The following MIIP variants were observed in gnomAD, a reference collection of about 807,000 sequenced individuals.
The protein encoded by MIIP is migration and invasion inhibitory protein.
Under a neutral mutation model 44.8 loss-of-function variants are expected in MIIP, and 44 were observed. The ratio of observed to expected loss-of-function variants is 0.98; its 90% CI spans 0.77 to 1.26. The LOEUF (loss-of-function observed/expected upper bound fraction) is 1.26. Ranked by LOEUF, MIIP falls within the 50% of genes most tolerant of loss-of-function variation. The pLI, the probability that MIIP is intolerant of heterozygous loss-of-function variation, is 0.00. For synonymous variants in MIIP, 225 were observed against 218.3 expected, an observed-to-expected ratio of 1.03 and a Z score of -0.27; for missense variants, 496 against 511.7, an observed-to-expected ratio of 0.97 and a Z score of 0.30.
chr1:12,031,891 C>T lies in MIIP; in HGVS notation c.*83C>T. On this transcript the variant is annotated 3_prime_UTR_variant, in exon 10 of 10. Transcript: ENST00000235332. ...AGGCGCACCCAGGAGATGGAATCCC[C>T]TGCCCGCCCAGCTCAGGCCCAGCTG... 7.2e-7 allele frequency: 1 copy of T among 1,386,354 alleles called. No homozygotes were observed. The highest frequency in any genetic ancestry group is 1.0e-6 in the Non-Finnish European group (1 of 993,376). 85.9% of individuals were successfully genotyped at this position (1,386,354 alleles called of 1,614,324 possible). A position where few individuals can be genotyped will look rare whatever the true frequency, so the allele number is the denominator to read the frequency against.
intron 3 of MIIP, 39 bp downstream of exon 3, chr1:12,022,481 C>A (rs77391339): frequency 0.027 from 39,093 of 1,433,860 alleles, 630 homozygotes; most frequent in Middle Eastern, 0.066. Context: ...ATGGGAGGAG[C>A]TTCCTTGGGC....
chr1:12,020,046 G>A (rs1237036431), intron 1 of MIIP, among the ~76,000 whole-genome samples: 1 of 152,256 alleles, frequency 6.6e-6, no homozygotes, highest in Non-Finnish European at 1.5e-5. Context: ...ACCCGATCCT[G>A]AGGATCCTTG....
chr1:12,028,896 C>G lies in MIIP; in HGVS notation c.548-137C>G, dbSNP rs982665301. On this transcript the variant is annotated intron_variant, in intron 4 of 9. Coordinates refer to ENST00000235332, the MANE Select transcript of MIIP (RefSeq NM_021933.4). Reference sequence around the variant, plus strand: ...CCAGTGACTGGAGGGGCCCTCCTGGCCTGTTTGAGGCACAGTAGGGATGAA... The same window carrying G: ...CCAGTGACTGGAGGGGCCCTCCTGGGCTGTTTGAGGCACAGTAGGGATGAA... 7.4e-6 allele frequency: 5 copies of G among 673,450 alleles called. No individual in the cohort carries two copies. In the African/African-American group the frequency reaches 9.0e-5, roughly 12 times the overall value. 41.7% of individuals were successfully genotyped at this position (673,450 alleles called of 1,614,324 possible). A position where few individuals can be genotyped will look rare whatever the true frequency, so the allele number is the denominator to read the frequency against.
intron 8 of MIIP, 145 bp downstream of exon 8, chr1:12,030,269 C>T (rs1640208374): frequency 1.4e-6 from 1 of 737,954 alleles, no homozygotes; most frequent in Non-Finnish European, 2.3e-6. Flanking sequence ...CCTCTTCCAT[C>T]ACCCACACCT....
At position 12,031,759 on chromosome 1, in the gene MIIP, G is replaced by A. The variant is rs1454802286; in HGVS notation, c.1118G>A (p.Trp373Ter). The A allele has an allele frequency of 6.2e-7, 1 of 1,613,972 alleles. No individual in the cohort carries two copies. Among genetic ancestry groups the A allele is most frequent in the South Asian group, 1.1e-5 (1 of 91,070 alleles). ...PMQMLPPTPT[W>*]SVPQVPRPHV... ...CAGATGCTGCCCCCGACCCCGACCT[G>A]GTCAGTGCCCCAGGTCCCTCGGCCC... The change falls in exon 10 of 10, where the codon TGG (tryptophan) becomes TAG (stop). Residue 373 changes from tryptophan to a stop codon, truncating the protein, a stop_gained. Coordinates refer to ENST00000235332, the MANE Select transcript of MIIP (RefSeq NM_021933.4). LOFTEE classifies it low-confidence loss of function (END_TRUNC).
Position 12,029,116 on chromosome 1 carries a change from G to A in MIIP, c.631G>A (p.Glu211Lys), listed in dbSNP as rs769425473. 8.4e-5 allele frequency: 135 copies of A among 1,613,986 alleles called. No individual in the cohort carries two copies. The highest frequency in any genetic ancestry group is 1.1e-4 in the Non-Finnish European group (128 of 1,179,966). Residue 211 changes from glutamate to lysine, a missense_variant, in exon 5 of 10, where the codon GAG (glutamate) becomes AAG (lysine). Transcript: ENST00000235332. ...GCAGGAGTTTCGGGAAACCAACAAG[G>A]AGGAGTGTATCTGCAGCCATCCTGA... ...KLQEFRETNK[E>K]ECICSHPEPQ...
At chr1:12,023,126 T>C (rs6670626) in intron 4 of MIIP, among the ~76,000 whole-genome samples, 111,270 of 147,406 alleles carry the variant, frequency 0.75, 42,910 homozygotes, top group African/African-American at 0.89. Flanking sequence ...TGCAGTAGTG[T>C]GATGTTGGCT....
chr1:12,029,672 C>G, intron 6 of MIIP, 93 bp from the exon 7 acceptor site: 2 of 1,514,372 alleles, frequency 1.3e-6, no homozygotes, highest in Non-Finnish European at 1.8e-6. Context: ...GGATTGGCAG[C>G]TTGTGTGGTT....
chr1:12,028,950 C>T (rs544319487), intron 4 of MIIP, 83 bp from the exon 5 acceptor site: 30 of 1,168,700 alleles, frequency 2.6e-5, no homozygotes, highest in Admixed American at 2.4e-4. Flanking sequence ...CAGGGCTGAT[C>T]GTCTCTCCAA....
chr1:12,025,094 G>A (rs544995448), intron 4 of MIIP, among the ~76,000 whole-genome samples: 1 of 139,652 alleles, frequency 7.2e-6, no homozygotes, highest in Non-Finnish European at 1.5e-5. Flanking sequence ...GAGTCGCACT[G>A]TGTCTCCCAG....
At position 12,031,407 on chromosome 1, in the gene MIIP, C is replaced by A. The variant is rs187039114; in HGVS notation, c.1080+4C>A. 15 of 1,611,000 alleles carry A rather than the reference C, an allele frequency of 9.3e-6. No homozygotes were observed. The highest frequency in any genetic ancestry group is 1.2e-5 in the Non-Finnish European group (14 of 1,178,194). On this transcript the variant is annotated splice_donor_region_variant and intron_variant, in intron 9 of 9. Transcript: ENST00000235332. ...CACCAGCAGCCCTTTTCACCCGGTACGGTCCAGATCGCATCCTAGCCTGGG... is the reference window on the plus strand; with the variant it reads ...CACCAGCAGCCCTTTTCACCCGGTAAGGTCCAGATCGCATCCTAGCCTGGG...
rs751063780 is a variant in MIIP at position 12,022,253 on chromosome 1, G to A, written c.273G>A (p.Gly91=). The A allele has an allele frequency of 6.8e-6, 11 of 1,613,588 alleles. No individual in the cohort carries two copies. In the South Asian group the frequency reaches 1.2e-4, roughly 18 times the overall value. The change falls in exon 3 of 10, where the codon GGG becomes GGA. Residue 91 remains glycine, a synonymous_variant. Coordinates refer to ENST00000235332, the MANE Select transcript of MIIP (RefSeq NM_021933.4). ...RGDLRDVARS[G]VASLPPAKCQ... is the part of the protein sequence containing the mutation. ...ACCTCCGTGATGTGGCCAGATCGGG[G>A]GTGGCCTCTCTCCCACCTGCCAAAT...
intron 4 of MIIP, 136 bp from the exon 5 acceptor site, chr1:12,028,897 C>T: frequency 1.5e-6 from 1 of 677,960 alleles, no homozygotes; most frequent in Non-Finnish European, 2.6e-6. Flanking sequence ...CCCTCCTGGC[C>T]TGTTTGAGGC....
chr1:12,028,419 C>T (rs573654234), intron 4 of MIIP, among the ~76,000 whole-genome samples: 2 of 152,292 alleles, frequency 1.3e-5, no homozygotes, highest in South Asian at 2.1e-4. Flanking sequence ...CCTCCACCCT[C>T]GCTGCCTTCC....
chr1:12,023,634 T>C (rs1191541292), intron 4 of MIIP, among the ~76,000 whole-genome samples: 1 of 150,630 alleles, frequency 6.6e-6, no homozygotes, highest in African/African-American at 2.4e-5. Flanking sequence ...CGCCTCAGCC[T>C]TCCAAAGTGC....
intron 4 of MIIP, among the ~76,000 whole-genome samples, chr1:12,023,281 C>T (rs1184280227): frequency 6.6e-6 from 1 of 151,156 alleles, no homozygotes; most frequent in East Asian, 2.0e-4. Context: ...CCAGGCTGGT[C>T]TCAAGCTACT....
rs1323359007 is a variant in MIIP, at chr1:12,029,040, G to A, written c.555G>A (p.Leu185=). The change falls in exon 5 of 10, where the codon CTG becomes CTA. Residue 185 remains leucine, a synonymous_variant. Transcript: ENST00000235332. ...YLGYDWIAGS[L]DTSSSITSQP... ...GTGCTTTGCCCACACCAGGGTCTCT[G>A]GACACCAGCTCTTCCATCACCAGCC... is the stretch of plus-strand genomic sequence containing the variant. 3.1e-6 allele frequency: 5 copies of A among 1,613,796 alleles called. No homozygotes were observed. Among genetic ancestry groups the A allele is most frequent in the Non-Finnish European group, 4.2e-6 (5 of 1,179,844 alleles).
Position 12,031,999 on chromosome 1 carries a change from G to C in MIIP, c.*191G>C. On this transcript the variant is annotated 3_prime_UTR_variant, in exon 10 of 10. Coordinates refer to ENST00000235332, the MANE Select transcript of MIIP (RefSeq NM_021933.4). ...GGAGGACCCTGGGGTGGAGGGTGAG[G>C]GATTCTGTGGAAGTTTGTAAATAAA... The C allele has an allele frequency of 1.6e-6, 1 of 606,752 alleles. No homozygotes were observed. Among genetic ancestry groups the C allele is most frequent in the Non-Finnish European group, 2.9e-6 (1 of 343,212 alleles). 37.6% of individuals were successfully genotyped at this position (606,752 alleles called of 1,614,324 possible). A position where few individuals can be genotyped will look rare whatever the true frequency, so the allele number is the denominator to read the frequency against.
chr1:12,023,381 C>CTTATTTATTTATTTATTTATTTAT (rs71568382), intron 4 of MIIP, among the ~76,000 whole-genome samples: 10 of 140,090 alleles, frequency 7.1e-5, no homozygotes, highest in Non-Finnish European at 1.2e-4. Flanking sequence ...TCTTTGTTTT[C>CTTATTTATTTATTTATTTATTTAT]TTATTTATTT....
Sources: allele counts gnomAD v4.1 joint callset (sites outside exome capture counted in the v4.1 genomes callset), GRCh38; gene constraint gnomAD v4.1.1; transcripts MANE v1.5; gene names NCBI Gene and HGNC (gene_info 2026-07-23, HGNC 2026-07-21).